Variants in RANBP9 observed in about 807,000 individuals in gnomAD.
The protein encoded by RANBP9 is ran-binding protein 9.
A neutral mutation model predicts 84.3 loss-of-function variants in RANBP9; 15 were observed. The ratio of observed to expected loss-of-function variants is 0.18; its 90% confidence interval spans 0.12 to 0.27. The LOEUF is 0.27. RANBP9 is among the 10% of genes least tolerant of loss of function. The pLI, the probability that RANBP9 is intolerant of heterozygous loss-of-function variation, is 1.00. For missense variants in RANBP9, 809 were observed against 912.8 expected, an observed-to-expected ratio of 0.89 and a Z score of 1.46; for synonymous variants, 392 against 349.6, an observed-to-expected ratio of 1.12 and a Z score of -1.35.
In RANBP9 at chr6:13,711,335, G is replaced by T; in HGVS notation, c.171C>A (p.Gly57=). ...PAGSPGGGAG[G]EGLGAAAAAL... ...CGGCCGCCGCGGCCCCTAAGCCTTC[G>T]CCGCCCGCACCGCCGCCGGGCGAGC... is the stretch of plus-strand genomic sequence containing the variant. Residue 57 remains glycine (G), a synonymous_variant, in exon 1 of 14, where the codon GGC becomes GGA. Transcript: ENST00000011619. 1.8e-6 allele frequency: 2 copies of T among 1,115,500 alleles called. No individual in the cohort carries two copies. Among genetic ancestry groups the T allele is most frequent in the Non-Finnish European group, 2.2e-6 (2 of 914,532 alleles). 69.1% of individuals were successfully genotyped at this position (1,115,500 alleles called of 1,614,324 possible). A position where few individuals can be genotyped will look rare whatever the true frequency, so the allele number is the denominator to read the frequency against.
At chr6:13,665,216 T>C (rs1765619900) in intron 2 of RANBP9, among the ~76,000 whole-genome samples, 1 of 152,074 alleles carries the variant, frequency 6.6e-6, no homozygotes, top group African/African-American at 2.4e-5. Flanking sequence ...AAAGATTTAT[T>C]AGGACACAAA....
chr6:13,661,771 A>T (rs1432455793), intron 2 of RANBP9, among the ~76,000 whole-genome samples: 1 of 152,198 alleles, frequency 6.6e-6, no homozygotes, highest in African/African-American at 2.4e-5. Flanking sequence ...AAATTAAGTC[A>T]CACATAAGAC....
Position 13,711,060 on chromosome 6 carries a change from C to A in RANBP9, c.446G>T (p.Arg149Leu). The A allele has an allele frequency of 6.3e-7, 1 of 1,585,880 alleles. No individual in the cohort carries two copies. The highest frequency in any genetic ancestry group is 2.3e-5 in the East Asian group (1 of 43,354). The change falls in exon 1 of 14, where the codon CGG (arginine) becomes CTG (leucine). Residue 149 changes from arginine to leucine, a missense_variant. Arg to Leu is a moderately radical substitution (Grantham distance 102, BLOSUM62 -2). This residue lies in a region of RANBP9 where 302 missense variants were observed against 240.1 expected (regional missense o/e 1.26). Coordinates refer to ENST00000011619, the MANE Select transcript of RANBP9 (RefSeq NM_005493.3). Reference sequence around the variant, plus strand: ...GGCCGGGTAGAGACGCTTCAGCCGCCGCTGCAACTCCTTCTCCTGCTCGTT... The same window carrying A: ...GGCCGGGTAGAGACGCTTCAGCCGCAGCTGCAACTCCTTCTCCTGCTCGTT... Reference protein sequence around the residue: ...ALNEQEKELQRRLKRLYPAVD... With the variant: ...ALNEQEKELQLRLKRLYPAVD...
In RANBP9 at chr6:13,644,654, C is replaced by G; in HGVS notation, c.1003G>C (p.Val335Leu). ...CGCATATAGTCTTCTATATCAAACA[C>G]GAAAGGATGTTGCCCAAAATTGGCA... ...VDANFGQHPF[V>L]FDIEDYMREW... Residue 335 changes from valine (V) to leucine (L), a missense_variant, in exon 6 of 14, where the codon GTG becomes CTG. Physicochemically the swap from Val to Leu is conservative, Grantham distance 32. Around this residue, in one of 5 missense-constraint regions of RANBP9, gnomAD observed 216 missense variants for 329.0 expected, o/e 0.66. Transcript: ENST00000011619. 1 of 1,613,250 alleles carries G rather than the reference C, an allele frequency of 6.2e-7. No homozygotes were observed. Among genetic ancestry groups the G allele is most frequent in the South Asian group, 1.1e-5 (1 of 90,952 alleles).
chr6:13,710,821 T>G, intron 1 of RANBP9, 114 bp downstream of exon 1: 9 of 1,208,652 alleles, frequency 7.4e-6, no homozygotes, highest in Non-Finnish European at 1.0e-5. Flanking sequence ...GCGAGTGGCC[T>G]CCGAGGGCAG....
At chr6:13,694,271 A>T (rs1766390245) in intron 2 of RANBP9, among the ~76,000 whole-genome samples, 2 of 152,234 alleles carry the variant, frequency 1.3e-5, no homozygotes, top group Non-Finnish European at 2.9e-5. Flanking sequence ...AAGTTCTTCA[A>T]CTGGGGAGTG....
chr6:13,679,018 G>A (rs1765964886), intron 2 of RANBP9, among the ~76,000 whole-genome samples: 1 of 151,978 alleles, frequency 6.6e-6, no homozygotes, highest in Non-Finnish European at 1.5e-5. Context: ...ACAGAAAACA[G>A]AAATCCTTTT....
At position 13,705,868 on chromosome 6, in the gene RANBP9, C is replaced by CAAAAAAAAAAAAAAAAAAAAAAA. The variant is rs767070995; in HGVS notation, c.571+5066_571+5067insTTTTTTTTTTTTTTTTTTTTTTT. On this transcript the variant is annotated intron_variant, in intron 1 of 13. Transcript: ENST00000011619. ...TGGGCGACAGAGCAAGACTCCGTCT[C>CAAAAAAAAAAAAAAAAAAAAAAA]AAAAAAAAAAAAAAAAAAGAAACAT... Among the ~76,000 whole-genome samples, 138 of 76,672 alleles carry CAAAAAAAAAAAAAAAAAAAAAAA rather than the reference C, an allele frequency of 1.8e-3. 1 individual carries two copies. Among genetic ancestry groups the CAAAAAAAAAAAAAAAAAAAAAAA allele is most frequent in the East Asian group, 2.2e-3 (5 of 2,270 alleles). 50.3% of individuals were successfully genotyped at this position (76,672 alleles called of 152,430 possible). A position where few individuals can be genotyped will look rare whatever the true frequency, so the allele number is the denominator to read the frequency against.
intron 2 of RANBP9, among the ~76,000 whole-genome samples, chr6:13,672,910 A>T (rs979623979): frequency 1.3e-5 from 2 of 152,138 alleles, no homozygotes; most frequent in African/African-American, 4.8e-5. Flanking sequence ...TTGAGAATGG[A>T]GGACAACTAT....
At chr6:13,671,756 T>A (rs1009448008) in intron 2 of RANBP9, among the ~76,000 whole-genome samples, 5 of 152,096 alleles carry the variant, frequency 3.3e-5, no homozygotes, top group African/African-American at 1.2e-4. Context: ...TTTTAAAGGG[T>A]GAATATGTAC....
Position 13,651,402 on chromosome 6 carries a change from GTT to G in RANBP9, c.927+1255_927+1256del, listed in dbSNP as rs58265160. Among the ~76,000 whole-genome samples the G allele has an allele frequency of 2.7e-5, 4 of 148,368 alleles. No homozygotes were observed. In the South Asian group the frequency reaches 6.4e-4, roughly 24 times the overall value. On this transcript the variant is annotated intron_variant, in intron 5 of 13. Transcript: ENST00000011619. ...GTTGTTGTTGTTGTTTTGTTTTTTT[GTT>G]TTTTTTTTGAGACAGAGGCTTGCTC...
At chr6:13,638,219 T>G (rs2071835) in intron 9 of RANBP9, among the ~76,000 whole-genome samples, 14,805 of 152,130 alleles carry the variant, frequency 0.097, 1,024 homozygotes, top group East Asian at 0.31. Flanking sequence ...AATATTATGA[T>G]CATCCCCATT....
At chr6:13,668,788 G>C (rs889941923) in intron 2 of RANBP9, among the ~76,000 whole-genome samples, 2 of 152,042 alleles carry the variant, frequency 1.3e-5, no homozygotes, top group African/African-American at 4.8e-5. Context: ...ATACTTAGTG[G>C]TAAAAGACTG....
intron 4 of RANBP9, among the ~76,000 whole-genome samples, chr6:13,654,446 T>G (rs995303266): frequency 3.9e-5 from 6 of 152,202 alleles, no homozygotes; most frequent in Admixed American, 1.3e-4. Flanking sequence ...TTTCCTTATA[T>G]AGTAAACAAA....
chr6:13,701,676 G>A (rs1442163037), intron 1 of RANBP9, among the ~76,000 whole-genome samples: 3 of 151,664 alleles, frequency 2.0e-5, no homozygotes, highest in South Asian at 2.1e-4. Flanking sequence ...AGGCTGAGGC[G>A]GAAGAATGGC....
intron 9 of RANBP9, 74 bp from the exon 10 acceptor site, chr6:13,638,029 G>C (rs1764982476): frequency 1.5e-6 from 2 of 1,370,332 alleles, no homozygotes; most frequent in Non-Finnish European, 1.9e-6. Flanking sequence ...AAGTCTCCAT[G>C]TTGATTTTGT....
intron 2 of RANBP9, among the ~76,000 whole-genome samples, chr6:13,684,390 T>C (rs1766118597): frequency 1.3e-5 from 2 of 152,192 alleles, no homozygotes; most frequent in South Asian, 4.1e-4. Context: ...CCGTGCTGAT[T>C]TCATTTTTTC....
chr6:13,684,261 G>A (rs949111110), intron 2 of RANBP9, among the ~76,000 whole-genome samples: 5 of 152,078 alleles, frequency 3.3e-5, no homozygotes, highest in African/African-American at 1.2e-4. Flanking sequence ...GTCTTTCATT[G>A]TTATGCCCTA....
intron 10 of RANBP9, among the ~76,000 whole-genome samples, chr6:13,635,409 A>C (rs1764913508): frequency 6.6e-6 from 1 of 152,194 alleles, no homozygotes; most frequent in Non-Finnish European, 1.5e-5. Context: ...ATAATTATAC[A>C]ATCTAGAAGT....
Sources: allele counts gnomAD v4.1 joint callset (sites outside exome capture counted in the v4.1 genomes callset), GRCh38; gene constraint gnomAD v4.1.1; regional missense constraint gnomAD v4.1.1; transcripts MANE v1.5; gene names NCBI Gene and HGNC (gene_info 2026-07-23, HGNC 2026-07-21).